TBCK: variants seen among roughly 807,000 people sequenced by gnomAD.
The protein encoded by TBCK is TBC domain-containing protein kinase-like protein.
Under a neutral mutation model 113.4 loss-of-function variants are expected in TBCK, and 99 were observed. The observed-to-expected ratio is 0.87, with a 90% CI of 0.74 to 1.03. The LOEUF is 1.03. Among genes scored for constraint, TBCK ranks in the 50% least tolerant of loss-of-function variants. TBCK has a pLI of 0.00. For synonymous variants in TBCK, 369 were observed against 370.8 expected, an observed-to-expected ratio of 1.00 and a Z score of 0.05; for missense variants, 1,045 against 1,061.3, an observed-to-expected ratio of 0.98 and a Z score of 0.21.
chr4:106,314,501 A>G (rs1768537797), intron 1 of TBCK, among the ~76,000 whole-genome samples: 1 of 152,186 alleles, frequency 6.6e-6, no homozygotes, highest in Non-Finnish European at 1.5e-5. Context: ...TATTTAACCT[A>G]CAGACCTAAA....
intron 3 of TBCK, among the ~76,000 whole-genome samples, chr4:106,293,518 C>T (rs543445145): frequency 6.6e-6 from 1 of 152,156 alleles, no homozygotes; most frequent in East Asian, 1.9e-4. Flanking sequence ...CTTGTATCAT[C>T]CCAAAATCAT....
intron 3 of TBCK, among the ~76,000 whole-genome samples, chr4:106,277,054 T>G (rs927407183): frequency 6.6e-6 from 1 of 152,098 alleles, no homozygotes; most frequent in African/African-American, 2.4e-5. Flanking sequence ...CAAATACATA[T>G]GTGATGATAT....
chr4:106,106,389 A>G (rs1742162686), intron 24 of TBCK, among the ~76,000 whole-genome samples: 1 of 152,202 alleles, frequency 6.6e-6, no homozygotes, highest in African/African-American at 2.4e-5. Context: ...AGGCATCTAG[A>G]GAGAACTCGG....
chr4:106,247,571 T>C (rs187224590), intron 9 of TBCK: 62 of 257,186 alleles, frequency 2.4e-4, no homozygotes, highest in African/African-American at 1.3e-3. Context: ...CTGACTAGCA[T>C]TCACCTGCTT....
At chr4:106,157,818 T>C (rs1171689981) in intron 23 of TBCK, among the ~76,000 whole-genome samples, 1 of 152,088 alleles carries the variant, frequency 6.6e-6, no homozygotes, top group Non-Finnish European at 1.5e-5. Flanking sequence ...AGTTGTTAAA[T>C]TGGTGTCTGT....
chr4:106,309,952 T>C (rs1768010722), intron 1 of TBCK: 1 of 152,146 alleles, frequency 6.6e-6, no homozygotes. Context: ...GCCCCAAAGT[T>C]GCGTAAAGTA....
chr4:106,094,534 T>A (rs1231872770), intron 25 of TBCK, among the ~76,000 whole-genome samples: 3 of 152,200 alleles, frequency 2.0e-5, no homozygotes, highest in Non-Finnish European at 4.4e-5. Flanking sequence ...AAAGTTCTAA[T>A]CTGAAATTTT....
intron 24 of TBCK, among the ~76,000 whole-genome samples, chr4:106,099,694 T>G (rs1195196196): frequency 6.6e-6 from 1 of 152,180 alleles, no homozygotes; most frequent in Non-Finnish European, 1.5e-5. Flanking sequence ...TCCAATATTC[T>G]ACAGCTCTAA....
intron 20 of TBCK, among the ~76,000 whole-genome samples, chr4:106,200,453 T>C (rs1423190832): frequency 6.6e-6 from 1 of 152,054 alleles, no homozygotes; most frequent in Non-Finnish European, 1.5e-5. Context: ...GGAGGGAGGA[T>C]TACTTGAGCC....
intron 22 of TBCK, among the ~76,000 whole-genome samples, chr4:106,183,786 C>T (rs1300548917): frequency 3.3e-5 from 5 of 151,840 alleles, no homozygotes; most frequent in Non-Finnish European, 7.4e-5. Flanking sequence ...CTTTTTTGTT[C>T]CAAACATAGT....
At chr4:106,150,032 G>C (rs896010530) in intron 23 of TBCK, among the ~76,000 whole-genome samples, 3 of 152,140 alleles carry the variant, frequency 2.0e-5, no homozygotes, top group Non-Finnish European at 4.4e-5. Context: ...TGTTGTTCCT[G>C]TTTAGAAACT....
At chr4:106,245,695 T>C (rs1433233616) in intron 10 of TBCK, among the ~76,000 whole-genome samples, 2 of 152,198 alleles carry the variant, frequency 1.3e-5, no homozygotes, top group Non-Finnish European at 2.9e-5. Flanking sequence ...AAGTGGCTTA[T>C]ATAATAAAGA....
intron 19 of TBCK, among the ~76,000 whole-genome samples, chr4:106,223,865 T>A (rs1435995740): frequency 1.3e-5 from 2 of 152,156 alleles, no homozygotes; most frequent in Non-Finnish European, 2.9e-5. Context: ...GAAATGCTAA[T>A]CAACAGATTT....
At chr4:106,211,197 T>G (rs916816441) in intron 20 of TBCK, among the ~76,000 whole-genome samples, 1 of 152,186 alleles carries the variant, frequency 6.6e-6, no homozygotes, top group Non-Finnish European at 1.5e-5. Context: ...AAATTTTAAA[T>G]ACTTAATATT....
chr4:106,304,059 T>C (rs1767240918), intron 2 of TBCK, among the ~76,000 whole-genome samples: 1 of 152,202 alleles, frequency 6.6e-6, no homozygotes, highest in Admixed American at 6.5e-5. Context: ...GCTTACTGAA[T>C]ATGTATATTT....
intron 22 of TBCK, among the ~76,000 whole-genome samples, chr4:106,184,658 T>C (rs1752805361): frequency 6.6e-6 from 1 of 152,076 alleles, no homozygotes; most frequent in African/African-American, 2.4e-5. Context: ...TGAATATAAT[T>C]TTAAAACACA....
intron 3 of TBCK, among the ~76,000 whole-genome samples, chr4:106,287,029 A>G (rs1014109577): frequency 2.0e-5 from 3 of 152,154 alleles, no homozygotes; most frequent in Non-Finnish European, 4.4e-5. Context: ...CAGAGGGGGA[A>G]ATGTGGAGAT....
chr4:106,180,785 T>C (rs1015248647), intron 22 of TBCK, among the ~76,000 whole-genome samples: 4 of 152,218 alleles, frequency 2.6e-5, no homozygotes, highest in African/African-American at 9.6e-5. Context: ...CTATCATTGA[T>C]GGACATTTGG....
chr4:106,247,516 C>A, intron 9 of TBCK: 1 of 389,434 alleles, frequency 2.6e-6, no homozygotes. Flanking sequence ...CATGATGTAT[C>A]AAAAATATCA....
Sources: allele counts gnomAD v4.1 joint callset (sites outside exome capture counted in the v4.1 genomes callset), GRCh38; gene constraint gnomAD v4.1.1; transcripts MANE v1.5; gene names NCBI Gene and HGNC (gene_info 2026-07-23, HGNC 2026-07-21).